The following DCC variants were observed in gnomAD, a reference collection of about 807,000 sequenced individuals.
The protein encoded by DCC is DCC netrin 1 receptor.
Under a neutral mutation model 172.5 loss-of-function variants are expected in DCC, and 58 were observed. That is an observed-to-expected ratio of 0.34 (90% CI 0.27 to 0.42). DCC has a LOEUF of 0.42. Among genes scored for constraint, DCC ranks in the 10% least tolerant of loss-of-function variants. The probability of loss-of-function intolerance (pLI) is 1.00; values close to 1 mark genes in which losing one functional copy is unlikely to be tolerated. For missense variants in DCC, 1,740 were observed against 1,791.0 expected, an observed-to-expected ratio of 0.97 and a Z score of 0.51; for synonymous variants, 709 against 644.5, an observed-to-expected ratio of 1.10 and a Z score of -1.52.
intron 1 of DCC, among the ~76,000 whole-genome samples, chr18:52,347,411 T>C (rs531146601): frequency 4.6e-5 from 7 of 152,302 alleles, no homozygotes; most frequent in South Asian, 2.1e-4. Context: ...GACTTCATTA[T>C]AGTATTATGT....
intron 7 of DCC, among the ~76,000 whole-genome samples, chr18:53,074,572 T>A (rs1384287725): frequency 6.6e-6 from 1 of 152,220 alleles, no homozygotes; most frequent in Admixed American, 6.5e-5. Flanking sequence ...ATTGTAAAAT[T>A]ATTTTTGCTT....
intron 12 of DCC, among the ~76,000 whole-genome samples, chr18:53,230,420 G>A (rs2056103649): frequency 6.6e-6 from 1 of 152,034 alleles, no homozygotes; most frequent in Middle Eastern, 3.4e-3. Context: ...AGAAAACAAA[G>A]TTCTCTTTCC....
At chr18:53,214,066 C>G (rs981699712) in intron 11 of DCC, among the ~76,000 whole-genome samples, 1 of 151,970 alleles carries the variant, frequency 6.6e-6, no homozygotes, top group African/African-American at 2.4e-5. Flanking sequence ...GAATAAATAT[C>G]TTTTTCCTTA....
At chr18:52,419,094 C>T (rs537107559) in intron 1 of DCC, 4 of 152,272 alleles carry the variant, frequency 2.6e-5, no homozygotes, top group East Asian at 1.9e-4. Context: ...TTCCTGACCT[C>T]GTGATCCACC....
Position 53,157,383 on chromosome 18 carries a change from C to G in DCC, c.1289C>G (p.Ser430Trp). The G allele has an allele frequency of 6.2e-7, 1 of 1,614,118 alleles. No individual in the cohort carries two copies. The highest frequency in any genetic ancestry group is 8.5e-7 in the Non-Finnish European group (1 of 1,179,994). Residue 430 changes from serine to tryptophan, a missense_variant, in exon 8 of 29, where the codon TCG becomes TGG. By Grantham distance (177) the Ser-to-Trp change is radical. Around this residue, in one of 2 missense-constraint regions of DCC, gnomAD observed 1,732 missense variants for 1,767.4 expected, o/e 0.98. Coordinates refer to ENST00000442544, the MANE Select transcript of DCC (RefSeq NM_005215.4). ...ATCCCAAGCTCCAGTGTCCTCCCTT[C>G]GGCTCCCAGAGATGTGGTCCCTGTC... ...PAIPSSSVLP[S>W]APRDVVPVLV...
chr18:53,247,242 G>A (rs1470309435), intron 12 of DCC, among the ~76,000 whole-genome samples: 1 of 151,908 alleles, frequency 6.6e-6, no homozygotes, highest in African/African-American at 2.4e-5. Context: ...CATTCAATTG[G>A]CCAAAATACG....
chr18:52,713,217 C>T (rs1383337920), intron 1 of DCC, among the ~76,000 whole-genome samples: 1 of 152,122 alleles, frequency 6.6e-6, no homozygotes, highest in East Asian at 1.9e-4. Flanking sequence ...ATTCTGATGC[C>T]ATTATAAACT....
At chr18:52,578,887 G>T (rs138499339) in intron 1 of DCC, among the ~76,000 whole-genome samples, 2 of 151,896 alleles carry the variant, frequency 1.3e-5, no homozygotes, top group Non-Finnish European at 2.9e-5. Context: ...AGGCTGAGGC[G>T]GGAGAATGGC....
At chr18:53,128,772 G>C (rs1403784592) in intron 7 of DCC, among the ~76,000 whole-genome samples, 1 of 149,104 alleles carries the variant, frequency 6.7e-6, no homozygotes, top group Non-Finnish European at 1.5e-5. Context: ...AACAGTTACT[G>C]TTAAAATGTT....
intron 8 of DCC, among the ~76,000 whole-genome samples, chr18:53,164,736 G>A (rs1217409208): frequency 6.6e-6 from 1 of 152,202 alleles, no homozygotes; most frequent in Non-Finnish European, 1.5e-5. Flanking sequence ...CTAATGCCAT[G>A]TGCAAATCAT....
At chr18:52,909,753 C>T (rs118129444) in intron 3 of DCC, among the ~76,000 whole-genome samples, 1,567 of 152,238 alleles carry the variant, frequency 0.01, 11 homozygotes, top group Non-Finnish European at 0.017. Flanking sequence ...ACATACCTGA[C>T]ATCTTGATGT....
intron 1 of DCC, among the ~76,000 whole-genome samples, chr18:52,393,895 A>G (rs1489874037): frequency 1.3e-5 from 2 of 152,062 alleles, no homozygotes; most frequent in African/African-American, 4.8e-5. Flanking sequence ...CCCCTTTCAG[A>G]TTCAGGTTCC....
intron 2 of DCC, among the ~76,000 whole-genome samples, chr18:52,889,582 G>C (rs578182542): frequency 1.3e-5 from 2 of 152,168 alleles, no homozygotes; most frequent in East Asian, 3.9e-4. Context: ...ATTTATAATT[G>C]GGTTCTACGT....
chr18:52,768,114 A>C (rs1193137095), intron 2 of DCC, among the ~76,000 whole-genome samples: 1 of 152,282 alleles, frequency 6.6e-6, no homozygotes, highest in Non-Finnish European at 1.5e-5. Context: ...TGACATATTA[A>C]ATTTTCTATA....
chr18:52,429,006 A>G (rs1040372707), intron 1 of DCC, among the ~76,000 whole-genome samples: 19 of 152,088 alleles, frequency 1.2e-4, no homozygotes, highest in African/African-American at 3.9e-4. Context: ...ATTTCCTGCC[A>G]TCCCCAACTC....
In DCC at chr18:53,127,919, C is replaced by T. The variant is rs76224630; in HGVS notation, c.1262-29437C>T. Among the ~76,000 whole-genome samples the T allele has an allele frequency of 5.6e-3, 857 of 152,180 alleles. 6 individuals are homozygous for T. Among genetic ancestry groups the T allele is most frequent in the Admixed American group, 0.023 (351 of 15,254 alleles). ...GTTTCTATATGTTTCTTCTTAAAAT[C>T]GATCATTCTGAAGTATCAAAATGTC... On this transcript the variant is annotated intron_variant, in intron 7 of 28. Coordinates refer to ENST00000442544, the MANE Select transcript of DCC (RefSeq NM_005215.4).
At chr18:53,367,663 A>C (rs2058020909) in intron 15 of DCC, among the ~76,000 whole-genome samples, 1 of 152,046 alleles carries the variant, frequency 6.6e-6, no homozygotes, top group Admixed American at 6.6e-5. Flanking sequence ...ATACCCATTA[A>C]ATGACACCTG....
chr18:53,080,823 G>A (rs1246949209), intron 7 of DCC, among the ~76,000 whole-genome samples: 1 of 152,068 alleles, frequency 6.6e-6, no homozygotes, highest in Non-Finnish European at 1.5e-5. Context: ...TATTGGCATT[G>A]CTGATGGTAA....
chr18:52,661,522 C>T (rs1482776632), intron 1 of DCC, among the ~76,000 whole-genome samples: 1 of 152,212 alleles, frequency 6.6e-6, no homozygotes, highest in Non-Finnish European at 1.5e-5. Context: ...TCTTCTCATG[C>T]TGGAAAGTAG....
Sources: allele counts gnomAD v4.1 joint callset (sites outside exome capture counted in the v4.1 genomes callset), GRCh38; gene constraint gnomAD v4.1.1; regional missense constraint gnomAD v4.1.1; transcripts MANE v1.5; gene names NCBI Gene and HGNC (gene_info 2026-07-23, HGNC 2026-07-21).